Variants in DNAI1 observed in about 807,000 individuals in gnomAD.
The protein encoded by DNAI1 is dynein, axonemal, intermediate polypeptide 1.
In DNAI1, 67 loss-of-function variants were observed where a neutral mutation model predicts 92.0. The ratio of observed to expected loss-of-function variants is 0.73; its 90% CI spans 0.60 to 0.89. The LOEUF is 0.89. Ranked by LOEUF, DNAI1 falls within the 40% of genes least tolerant of loss-of-function variation. The probability of loss-of-function intolerance (pLI) is 0.00; values close to 1 mark genes in which losing one functional copy is unlikely to be tolerated. For missense variants in DNAI1, 839 were observed against 866.6 expected (o/e 0.97, Z 0.40); for synonymous variants, 323 against 319.6 (o/e 1.01, Z -0.11).
At chr9:34,511,275 A>AC (rs1825060359) in intron 13 of DNAI1, among the ~76,000 whole-genome samples, 1 of 152,248 alleles carries the variant, frequency 6.6e-6, no homozygotes, top group Admixed American at 6.5e-5. Context: ...ATAAGACAAC[A>AC]GCTCTGTCTC....
At chr9:34,491,264 C>T (rs557905387) in intron 7 of DNAI1, 2 of 605,156 alleles carry the variant, frequency 3.3e-6, no homozygotes, top group South Asian at 1.9e-5. Flanking sequence ...GTCAGGCTTC[C>T]CTGCCCCTGC....
At chr9:34,512,562 G>A (rs537726355) in intron 15 of DNAI1, 138 bp downstream of exon 15, 4 of 828,708 alleles carry the variant, frequency 4.8e-6, no homozygotes, top group Non-Finnish European at 8.0e-6. Flanking sequence ...TTGTAGGAAG[G>A]CCCGGCCCTG....
intron 4 of DNAI1, chr9:34,488,495 A>T (rs982539688): frequency 1.6e-4 from 24 of 153,056 alleles, no homozygotes; most frequent in African/African-American, 5.1e-4. Flanking sequence ...CTGTGAGTTT[A>T]CCGTAGTGTG....
At position 34,520,752 on chromosome 9, in the gene DNAI1, C is replaced by T. The variant is rs1445603750; in HGVS notation, c.2096C>T (p.Thr699Ile). 18 of 1,551,566 alleles carry T rather than the reference C, an allele frequency of 1.2e-5. No individual in the cohort carries two copies. Among genetic ancestry groups the T allele is most frequent in the East Asian group, 2.4e-5 (1 of 40,926 alleles). Residue 699 changes from threonine to isoleucine, a missense_variant, in exon 20 of 20, where the codon ACC (threonine) becomes ATC (isoleucine). Physicochemically the swap from Thr to Ile is moderately conservative, Grantham distance 89. Coordinates refer to ENST00000242317, the MANE Select transcript of DNAI1 (RefSeq NM_012144.4). ...CTGGTGAGGGAAGTGAAAATCAAGA[C>T]CTGAGGGGCTGGCCTCAGTCTCTGT... ...LNLVREVKIK[T>I]
At position 34,490,007 on chromosome 9, in the gene DNAI1, CCAAGGTT is replaced by C; in HGVS notation, c.389-3_392del. 6.2e-7 allele frequency: 1 copy of C among 1,614,000 alleles called. No individual in the cohort carries two copies. The highest frequency in any genetic ancestry group is 8.5e-7 in the Non-Finnish European group (1 of 1,179,968). On this transcript the variant is annotated splice_acceptor_variant and splice_polypyrimidine_tract_variant and coding_sequence_variant and intron_variant, in exon 6 of 20. Transcript: ENST00000242317. LOFTEE classifies it high-confidence loss of function. The stretch of plus-strand genomic sequence containing the variant: ...CTTTGAACTCATTGGCAGTATCCTA[CCAAGGTT>C]CTCAGGAGTCTGTCAAGGTGATTTC...
chr9:34,514,284 G>A, intron 16 of DNAI1, 110 bp from the exon 17 acceptor site: 1 of 1,415,246 alleles, frequency 7.1e-7, no homozygotes, highest in Non-Finnish European at 9.9e-7. Context: ...CAGCTGGGAT[G>A]CGATGTGGGT....
chr9:34,496,663 G>A (rs566504626), intron 9 of DNAI1, among the ~76,000 whole-genome samples: 98 of 152,234 alleles, frequency 6.4e-4, no homozygotes, highest in Non-Finnish European at 1.1e-3. Context: ...ACTGAGTAAG[G>A]GATAAAACCA....
chr9:34,498,353 A>G (rs1824765668), intron 10 of DNAI1, among the ~76,000 whole-genome samples: 1 of 152,242 alleles, frequency 6.6e-6, no homozygotes, highest in African/African-American at 2.4e-5. Context: ...GGATGTTGCC[A>G]CTTTTTCAAA....
intron 1 of DNAI1, among the ~76,000 whole-genome samples, chr9:34,477,068 T>C (rs1272711641): frequency 3.3e-5 from 5 of 152,028 alleles, no homozygotes; most frequent in African/African-American, 1.2e-4. Flanking sequence ...CAGATTGGAG[T>C]GTAGTGGCAC....
downstream of DNAI1, chr9:34,520,984 AC>A (rs898936382): frequency 1.7e-6 from 1 of 599,180 alleles, no homozygotes; most frequent in African/African-American, 1.8e-5. Context: ...GTAGAAACCC[AC>A]CCCACACCTT....
In DNAI1 at chr9:34,496,882, G is replaced by T; in HGVS notation, c.817-233G>T. ...AAGCATGAAGCAGGTTCTACCCAGG[G>T]GCCAAGTATATCAGCTCAGACCCTT... On this transcript the variant is annotated intron_variant, in intron 9 of 19. Transcript: ENST00000242317. Among the ~76,000 whole-genome samples the T allele has an allele frequency of 1.3e-5, 2 of 152,134 alleles. 1 individual carries two copies. Among genetic ancestry groups the T allele is most frequent in the Non-Finnish European group, 2.9e-5 (2 of 68,026 alleles).
At chr9:34,496,174 A>C (rs1824721512) in intron 9 of DNAI1, among the ~76,000 whole-genome samples, 1 of 149,180 alleles carries the variant, frequency 6.7e-6, no homozygotes, top group Admixed American at 6.6e-5. Context: ...GAAGCTAAAT[A>C]ACTTGCCAGA....
In DNAI1 at chr9:34,512,422, T is replaced by C. The variant is rs748133557; in HGVS notation, c.1487T>C (p.Val496Ala). ...EVPEGLQLHP[V>A]GCGTAFDFHK... The stretch of plus-strand genomic sequence containing the variant: ...CCTGAGGGGTTGCAGCTGCACCCAG[T>C]GGGTAGGAGCCCCAGCCCTCTCACC... Residue 496 changes from valine (V) to alanine (A), a missense_variant and splice_region_variant, in exon 15 of 20, where the codon GTG (valine) becomes GCG (alanine). Coordinates refer to ENST00000242317, the MANE Select transcript of DNAI1 (RefSeq NM_012144.4). 1 of 1,614,082 alleles carries C rather than the reference T, an allele frequency of 6.2e-7. No individual in the cohort carries two copies. The highest frequency in any genetic ancestry group is 8.5e-7 in the Non-Finnish European group (1 of 1,179,974).
intron 16 of DNAI1, among the ~76,000 whole-genome samples, chr9:34,513,438 C>T (rs1191987249): frequency 2.0e-5 from 3 of 152,180 alleles, no homozygotes; most frequent in Non-Finnish European, 2.9e-5. Context: ...TCCGGGCCCT[C>T]CCTCCCTTCC....
Position 34,517,272 on chromosome 9 carries a change from G to C in DNAI1, c.1819-13G>C. 6.2e-7 allele frequency: 1 copy of C among 1,612,660 alleles called. No individual in the cohort carries two copies. Among genetic ancestry groups the C allele is most frequent in the South Asian group, 1.1e-5 (1 of 90,780 alleles). ...CATTACCCCTGAGTGTGCTGACACC[G>C]ACCTCTCCACAGGCCCACATATTTG... On this transcript the variant is annotated splice_polypyrimidine_tract_variant and intron_variant, in intron 18 of 19. Transcript: ENST00000242317.
intron 12 of DNAI1, 94 bp downstream of exon 12, chr9:34,501,275 C>G: frequency 9.3e-7 from 1 of 1,076,868 alleles, no homozygotes; most frequent in Non-Finnish European, 1.4e-6. Context: ...GTAAGAAATA[C>G]AAAGATGACT....
At chr9:34,516,574 C>A (rs1381328381) in intron 18 of DNAI1, among the ~76,000 whole-genome samples, 1 of 152,104 alleles carries the variant, frequency 6.6e-6, no homozygotes, top group East Asian at 1.9e-4. Context: ...AGCAGGTTAG[C>A]CTCTAAGAGC....
chr9:34,514,012 GCT>G (rs1208504115), intron 16 of DNAI1, among the ~76,000 whole-genome samples: 1 of 152,214 alleles, frequency 6.6e-6, no homozygotes, highest in African/African-American at 2.4e-5. Context: ...TGGAACCAGG[GCT>G]CTGTTTGTCC....
chr9:34,493,355 C>T (rs1426389421), intron 9 of DNAI1, 27 bp downstream of exon 9: 7 of 1,613,904 alleles, frequency 4.3e-6, no homozygotes, highest in East Asian at 2.2e-5. Context: ...TACAGCTCTG[C>T]CACAGAATTT....
Sources: gnomAD v4.1 joint callset for allele counts (sites outside exome capture counted in the v4.1 genomes callset) on GRCh38, gnomAD v4.1.1 for gene constraint, MANE v1.5 for transcripts, NCBI Gene and HGNC (gene_info 2026-07-23, HGNC 2026-07-21) for gene names.